The following EPB41L1 variants were observed in gnomAD, a reference collection of about 807,000 sequenced individuals.
EPB41L1 encodes erythrocyte membrane protein band 4.1 like 1.
A neutral mutation model predicts 97.8 loss-of-function variants in EPB41L1; 29 were observed. The observed-to-expected ratio is 0.30, with a 90% confidence interval of 0.22 to 0.40. EPB41L1 has a LOEUF of 0.40. Ranked by LOEUF, EPB41L1 falls within the 10% of genes least tolerant of loss-of-function variation. The pLI, the probability that EPB41L1 is intolerant of heterozygous loss-of-function variation, is 1.00. For missense variants in EPB41L1, 812 were observed against 1,162.3 expected, an observed-to-expected ratio of 0.70 and a Z score of 4.38; for synonymous variants, 383 against 459.2, an observed-to-expected ratio of 0.83 and a Z score of 2.12.
intron 21 of EPB41L1, among the ~76,000 whole-genome samples, chr20:36,226,808 G>A (rs2064184202): frequency 6.6e-6 from 1 of 152,176 alleles, no homozygotes; most frequent in African/African-American, 2.4e-5. Flanking sequence ...TACTTCTGAA[G>A]TGTCTATGGG....
At chr20:36,177,891 AT>A (rs1017809024) in intron 3 of EPB41L1, 60 bp from the exon 4 acceptor site, 51 of 1,340,214 alleles carry the variant, frequency 3.8e-5, no homozygotes, top group Non-Finnish European at 5.0e-5. Flanking sequence ...AGCCCAGGGT[AT>A]CTCCCAGCCT....
rs2064477968 is a variant in EPB41L1 at position 36,231,253 on chromosome 20, A to G, written c.*1913A>G. The G allele has an allele frequency of 1.3e-5, 2 of 152,236 alleles. No homozygotes were observed. The highest frequency in any genetic ancestry group is 2.9e-5 in the Non-Finnish European group (2 of 68,044). The allele number at this position is 152,236 out of a possible 1,614,324, so 9.4% of individuals were successfully genotyped here. ...GGCTTCCTCAGGCTTGTCTGCCACA[A>G]GCTACTTCTCTGAGCTCAGAAAGTG... On this transcript the variant is annotated 3_prime_UTR_variant, in exon 22 of 22. Transcript: ENST00000338074.
At chr20:36,140,224 T>C (rs1259522462) in intron 2 of EPB41L1, among the ~76,000 whole-genome samples, 2 of 151,478 alleles carry the variant, frequency 1.3e-5, no homozygotes, top group East Asian at 3.9e-4. Context: ...CTGGCTACTT[T>C]TTGTATGTTT....
chr20:36,175,478 T>G, intron 2 of EPB41L1, 73 bp from the exon 3 acceptor site: 1 of 1,584,848 alleles, frequency 6.3e-7, no homozygotes, highest in Non-Finnish European at 8.7e-7. Flanking sequence ...TGCCTCTATA[T>G]TGCTTCTTAC....
intron 16 of EPB41L1, among the ~76,000 whole-genome samples, chr20:36,213,871 G>A (rs2146903226): frequency 6.6e-6 from 1 of 152,214 alleles, no homozygotes; most frequent in African/African-American, 2.4e-5. Flanking sequence ...TTTCTTCTTA[G>A]TAATTATTTT....
At position 36,232,647 on chromosome 20, in the gene EPB41L1, A is replaced by G. The variant is rs2064541996; in HGVS notation, c.*3307A>G. The G allele has an allele frequency of 2.0e-5, 8 of 398,768 alleles. No individual in the cohort carries two copies. The highest frequency in any genetic ancestry group is 2.7e-5 in the Non-Finnish European group (6 of 226,066). The allele number at this position is 398,768 out of a possible 1,614,324, so 24.7% of individuals were successfully genotyped here. A position where few individuals can be genotyped will look rare whatever the true frequency, so the allele number is the denominator to read the frequency against. On this transcript the variant is annotated 3_prime_UTR_variant, in exon 22 of 22. Coordinates refer to ENST00000338074, the MANE Select transcript of EPB41L1 (RefSeq NM_012156.2). ...TTTTTCAAAAGCACCTTAACAACCA[A>G]TTGCGATGCTGTCCTGTTCCTTTTT...
rs1182606133 is a variant in EPB41L1, at chr20:36,093,845, C to A, written c.-65+2233C>A. 1.3e-5 allele frequency among the ~76,000 whole-genome samples: 2 copies of A among 152,064 alleles called. No individual in the cohort carries two copies. Among genetic ancestry groups the A allele is most frequent in the African/African-American group, 4.8e-5 (2 of 41,400 alleles). ...GGCCAGGGGACATGTCCCCTCCGGCCTCCCCCCAGCCCCCCACCAGACCTA... is the reference window on the plus strand; with the variant it reads ...GGCCAGGGGACATGTCCCCTCCGGCATCCCCCCAGCCCCCCACCAGACCTA... On this transcript the variant is annotated intron_variant, in intron 1 of 19. Transcript: ENST00000202028. This position sits in a 1 kb window ranked among gnomAD's most constrained non-coding sequence, Gnocchi z 5.4.
intron 9 of EPB41L1, among the ~76,000 whole-genome samples, chr20:36,188,914 A>C (rs2061819338): frequency 6.6e-6 from 1 of 152,040 alleles, no homozygotes; most frequent in South Asian, 2.1e-4. Context: ...AAAAGAAGAA[A>C]TATAACTACA....
At chr20:36,110,044 C>T (rs968569453) in intron 1 of EPB41L1, among the ~76,000 whole-genome samples, 2 of 151,420 alleles carry the variant, frequency 1.3e-5, no homozygotes, top group Non-Finnish European at 1.5e-5. Flanking sequence ...TGGGTTCAAG[C>T]GATTCTCCTG....
intron 7 of EPB41L1, among the ~76,000 whole-genome samples, chr20:36,186,660 A>C (rs1305699790): frequency 6.6e-6 from 1 of 152,204 alleles, no homozygotes; most frequent in Admixed American, 6.5e-5. Context: ...CCTGCCTGCC[A>C]TCTATTTGTC....
chr20:36,188,558 C>A, intron 9 of EPB41L1, 59 bp downstream of exon 9: 1 of 1,369,098 alleles, frequency 7.3e-7, no homozygotes, highest in Non-Finnish European at 9.7e-7. Context: ...GGAGTGGACC[C>A]TGGCAGCTGG....
intron 1 of EPB41L1, among the ~76,000 whole-genome samples, chr20:36,167,738 T>TAATAATA (rs961547375): frequency 3.3e-5 from 5 of 150,674 alleles, no homozygotes; most frequent in African/African-American, 1.2e-4. Context: ...ATAATAACAA[T>TAATAATA]AATAATAAAT....
At chr20:36,183,166 T>TA (rs1351339085) in intron 6 of EPB41L1, among the ~76,000 whole-genome samples, 1 of 152,204 alleles carries the variant, frequency 6.6e-6, no homozygotes, top group African/African-American at 2.4e-5. Context: ...CACTTCATGA[T>TA]ATCCTGGGGC....
rs1392112616 is a variant in EPB41L1 at position 36,230,267 on chromosome 20, T to C, written c.*927T>C. The C allele has an allele frequency of 6.6e-6, 1 of 152,644 alleles. No homozygotes were observed. Among genetic ancestry groups the C allele is most frequent in the Non-Finnish European group, 1.5e-5 (1 of 68,040 alleles). The allele number at this position is 152,644 out of a possible 1,614,324, so 9.5% of individuals were successfully genotyped here. On this transcript the variant is annotated 3_prime_UTR_variant, in exon 22 of 22. Coordinates refer to ENST00000338074, the MANE Select transcript of EPB41L1 (RefSeq NM_012156.2). ...AGCTTGTAGGAGGTTTGTACGGATG[T>C]GCTTTGAAGTTATGTATATTACATA...
At chr20:36,115,508 C>T (rs1327976171) in intron 2 of EPB41L1, among the ~76,000 whole-genome samples, 1 of 152,216 alleles carries the variant, frequency 6.6e-6, no homozygotes, top group Non-Finnish European at 1.5e-5. Context: ...CATCCATAAA[C>T]CTGCCTGAAA....
chr20:36,138,855 T>C (rs1238870727), intron 2 of EPB41L1, among the ~76,000 whole-genome samples: 1 of 152,222 alleles, frequency 6.6e-6, no homozygotes, highest in African/African-American at 2.4e-5. Flanking sequence ...CACCTGTCTA[T>C]AGAATTTTCT....
At chr20:36,150,052 C>T (rs1040301757), upstream of EPB41L1, 1 of 151,686 alleles carries the variant, frequency 6.6e-6, no homozygotes, top group African/African-American at 2.4e-5. Context: ...TAACCCAATA[C>T]ATTCATAAGG....
intron 2 of EPB41L1, among the ~76,000 whole-genome samples, chr20:36,144,132 C>T (rs894109824): frequency 5.3e-5 from 8 of 152,300 alleles, no homozygotes; most frequent in South Asian, 2.1e-4. Flanking sequence ...GAATTACAGG[C>T]GTCAGCCACT....
intron 16 of EPB41L1, among the ~76,000 whole-genome samples, 163 bp from the exon 17 acceptor site, chr20:36,214,194 A>C (rs770365733): frequency 2.2e-4 from 33 of 152,148 alleles, no homozygotes; most frequent in Non-Finnish European, 3.4e-4. Context: ...AAATGTAATG[A>C]GGGCCTGTTG....
Sources: allele counts gnomAD v4.1 joint callset (sites outside exome capture counted in the v4.1 genomes callset), GRCh38; gene constraint gnomAD v4.1.1; non-coding constraint Gnocchi (gnomAD v3.1); transcripts MANE v1.5; gene names NCBI Gene and HGNC (gene_info 2026-07-23, HGNC 2026-07-21).